Variants in ARHGEF28 observed in about 807,000 individuals in gnomAD.
ARHGEF28 encodes the protein Rho guanine nucleotide exchange factor 28, also known as 190 kDa guanine nucleotide exchange factor.
A neutral mutation model predicts 206.6 loss-of-function variants in ARHGEF28; 152 were observed. The ratio of observed to expected loss-of-function variants is 0.74; its 90% CI spans 0.64 to 0.84. The LOEUF (loss-of-function observed/expected upper bound fraction) is 0.84. Among genes scored for constraint, ARHGEF28 ranks in the 40% least tolerant of loss-of-function variants. The probability of loss-of-function intolerance (pLI) is 0.00; values close to 1 mark genes in which losing one functional copy is unlikely to be tolerated. For missense variants in ARHGEF28, 2,028 were observed against 2,073.2 expected (o/e 0.98, Z 0.42); for synonymous variants, 763 against 776.4 (o/e 0.98, Z 0.29).
In ARHGEF28 at chr5:73,940,953, A is replaced by G. The variant is rs1234135659; in HGVS notation, c.5058A>G (p.Thr1686=). The G allele has an allele frequency of 7.8e-6, 12 of 1,534,560 alleles. No individual in the cohort carries two copies. The highest frequency in any genetic ancestry group is 1.7e-4 in the Middle Eastern group (1 of 5,986). ...TEAKLNLPTR[T]MTRQDGETGD... ...CAAAGCTAAATCTACCGACAAGGAC[A>G]ATGACCAGACAAGATGGGGAAACTG... is the stretch of plus-strand genomic sequence containing the variant. Residue 1686 remains threonine (T), a synonymous_variant, in exon 36 of 36, where the codon ACA becomes ACG. Transcript: ENST00000513042.
In ARHGEF28 at chr5:73,832,450, G is replaced by T; in HGVS notation, c.1137G>T (p.Val379=). The part of the protein sequence containing the change: ...GGDEVYANCM[V]IDQVGDLDIS... ...ATGAAGTCTACGCTAACTGTATGGT[G>T]ATTGATCAGGTAAGGCCCAACTGAC... The change falls in exon 10 of 36, where the codon GTG becomes GTT. Residue 379 remains valine, a synonymous_variant. Transcript: ENST00000513042. 6.2e-7 allele frequency: 1 copy of T among 1,612,232 alleles called. No individual in the cohort carries two copies. Among genetic ancestry groups the T allele is most frequent in the Non-Finnish European group, 8.5e-7 (1 of 1,179,236 alleles).
rs556536876 is a variant in ARHGEF28 at position 73,702,791 on chromosome 5, T to C, written c.33+17907T>C. The stretch of plus-strand genomic sequence containing the variant: ...GATAGAGATATTTGAAATGATTATG[T>C]AGCCCCTTTGGGAGTAGGGATTTCT... On this transcript the variant is annotated intron_variant, in intron 2 of 35. Coordinates refer to ENST00000513042, the MANE Select transcript of ARHGEF28 (RefSeq NM_001177693.2). 1.6e-3 allele frequency among the ~76,000 whole-genome samples: 243 copies of C among 152,348 alleles called. 1 individual carries two copies. Among genetic ancestry groups the C allele is most frequent in the African/African-American group, 5.5e-3 (230 of 41,568 alleles).
At chr5:73,641,480 A>C (rs1235316462) in intron 1 of ARHGEF28, among the ~76,000 whole-genome samples, 1 of 151,774 alleles carries the variant, frequency 6.6e-6, no homozygotes, top group Non-Finnish European at 1.5e-5. Flanking sequence ...TCTTAAAAAA[A>C]TTAGTTGCTT....
chr5:73,926,716 A>G (rs1181844857), intron 35 of ARHGEF28, among the ~76,000 whole-genome samples: 4 of 152,186 alleles, frequency 2.6e-5, no homozygotes, highest in South Asian at 2.1e-4. Flanking sequence ...CTTGGCCACC[A>G]CATCTGGAAG....
At chr5:73,865,797 A>G (rs1759669154) in intron 17 of ARHGEF28, among the ~76,000 whole-genome samples, 168 bp from the exon 18 acceptor site, 2 of 152,156 alleles carry the variant, frequency 1.3e-5, no homozygotes, top group Non-Finnish European at 2.9e-5. Context: ...TTTTATTGTC[A>G]CATTTGACTC....
At chr5:73,852,899 T>C (rs562865719) in intron 14 of ARHGEF28, among the ~76,000 whole-genome samples, 2 of 152,332 alleles carry the variant, frequency 1.3e-5, no homozygotes, top group South Asian at 4.1e-4. Context: ...GGCCTCAGGA[T>C]TGGGGACAGC....
intron 35 of ARHGEF28, among the ~76,000 whole-genome samples, chr5:73,929,090 TC>T (rs1201871662): frequency 6.6e-6 from 1 of 152,220 alleles, no homozygotes; most frequent in East Asian, 1.9e-4. Context: ...TAACAGAGAC[TC>T]CAAGATTGAC....
intron 10 of ARHGEF28, among the ~76,000 whole-genome samples, chr5:73,837,936 C>T (rs1194144773): frequency 2.0e-5 from 3 of 152,116 alleles, no homozygotes; most frequent in South Asian, 2.1e-4. Flanking sequence ...GAGACAGTTT[C>T]GCCATGTTGG....
At chr5:73,807,527 C>T (rs528211711) in intron 9 of ARHGEF28, among the ~76,000 whole-genome samples, 3 of 150,858 alleles carry the variant, frequency 2.0e-5, no homozygotes, top group South Asian at 2.1e-4. Flanking sequence ...TCTTCTTGCC[C>T]AGGCTGGAGT....
chr5:73,814,376 G>A (rs1223844208), intron 9 of ARHGEF28, among the ~76,000 whole-genome samples: 1 of 151,970 alleles, frequency 6.6e-6, no homozygotes, highest in African/African-American at 2.4e-5. Flanking sequence ...TCTCTTACTT[G>A]CAATCCATTC....
At chr5:73,717,885 G>T (rs556578327) in intron 2 of ARHGEF28, among the ~76,000 whole-genome samples, 18 of 151,826 alleles carry the variant, frequency 1.2e-4, no homozygotes, top group South Asian at 2.1e-4. Flanking sequence ...GTCTTTTTTT[G>T]TGTGTGTGTG....
At chr5:73,914,010 A>G (rs1009102480) in intron 35 of ARHGEF28, among the ~76,000 whole-genome samples, 5 of 152,218 alleles carry the variant, frequency 3.3e-5, no homozygotes, top group Non-Finnish European at 7.3e-5. Context: ...GAAAAATTGT[A>G]TATAAAAACA....
At chr5:73,649,346 G>T (rs1580439287) in intron 1 of ARHGEF28, among the ~76,000 whole-genome samples, 1 of 152,210 alleles carries the variant, frequency 6.6e-6, no homozygotes, top group Non-Finnish European at 1.5e-5. Flanking sequence ...AGAATTGAAA[G>T]AGTCTAGGAG....
intron 5 of ARHGEF28, among the ~76,000 whole-genome samples, chr5:73,774,513 T>C (rs1753434149): frequency 1.3e-5 from 2 of 152,236 alleles, no homozygotes; most frequent in African/African-American, 4.8e-5. Flanking sequence ...GCACATAATA[T>C]TTGTTGAAAG....
chr5:73,888,684 T>A (rs1343682213), intron 26 of ARHGEF28, among the ~76,000 whole-genome samples: 1 of 152,236 alleles, frequency 6.6e-6, no homozygotes, highest in Admixed American at 6.5e-5. Flanking sequence ...TACCTTGTTT[T>A]TTAGGACGAG....
intron 2 of ARHGEF28, among the ~76,000 whole-genome samples, chr5:73,696,299 C>G (rs1048708471): frequency 1.3e-5 from 2 of 152,096 alleles, no homozygotes; most frequent in African/African-American, 2.4e-5. Context: ...CTGCAGAAAC[C>G]CTTTACGCCA....
intron 28 of ARHGEF28, 111 bp downstream of exon 28, chr5:73,893,399 G>T: frequency 1.3e-6 from 1 of 750,116 alleles, no homozygotes; most frequent in Non-Finnish European, 1.9e-6. Flanking sequence ...CTGTGCACCT[G>T]AGGCCCACCT....
chr5:73,840,805 C>A (rs760965405), intron 11 of ARHGEF28, 45 bp downstream of exon 11: 5 of 1,532,702 alleles, frequency 3.3e-6, no homozygotes, highest in South Asian at 2.5e-5. Flanking sequence ...CATCAAAGAA[C>A]CTTATAGGTA....
rs939503452 is a variant in ARHGEF28 at position 73,864,930 on chromosome 5, T to C, written c.2103+58T>C. The C allele has an allele frequency of 2.0e-6, 3 of 1,498,766 alleles. No homozygotes were observed. In the African/African-American group the frequency reaches 4.2e-5, roughly 21 times the overall value. The allele number at this position is 1,498,766 out of a possible 1,614,324, so 92.8% of individuals were successfully genotyped here. ...GGCATGGTTGCTTCATAGTATCTATTTGAGCTTTTACTCTTTTTTATTACC... is the reference window on the plus strand; with the variant it reads ...GGCATGGTTGCTTCATAGTATCTATCTGAGCTTTTACTCTTTTTTATTACC... On this transcript the variant is annotated intron_variant, in intron 17 of 35. Coordinates refer to ENST00000513042, the MANE Select transcript of ARHGEF28 (RefSeq NM_001177693.2).
Sources: gnomAD v4.1 joint callset for allele counts (sites outside exome capture counted in the v4.1 genomes callset) on GRCh38, gnomAD v4.1.1 for gene constraint, MANE v1.5 for transcripts, NCBI Gene and HGNC (gene_info 2026-07-23, HGNC 2026-07-21) for gene names.